TRPC6: variants seen among roughly 807,000 people sequenced by gnomAD.
The protein encoded by TRPC6 is short transient receptor potential channel 6.
In TRPC6, 55 loss-of-function variants were observed where a neutral mutation model predicts 90.7. The observed-to-expected ratio is 0.61, with a 90% CI of 0.49 to 0.76. The LOEUF (loss-of-function observed/expected upper bound fraction) is 0.76. Ranked by LOEUF, TRPC6 falls within the 30% of genes least tolerant of loss-of-function variation. The pLI, the probability that TRPC6 is intolerant of heterozygous loss-of-function variation, is 0.00. For synonymous variants in TRPC6, 393 were observed against 393.0 expected (o/e 1.00, Z 0.00); for missense variants, 989 against 1,122.7 (o/e 0.88, Z 1.70).
chr11:101,533,258 A>T (rs12290423), intron 1 of TRPC6, among the ~76,000 whole-genome samples: 1,643 of 152,284 alleles, frequency 0.011, 41 homozygotes, highest in African/African-American at 0.038. Flanking sequence ...TATAGGAAGC[A>T]TAGTGGCATC....
intron 1 of TRPC6, among the ~76,000 whole-genome samples, chr11:101,523,149 T>C (rs908772021): frequency 6.6e-6 from 1 of 152,248 alleles, no homozygotes; most frequent in Non-Finnish European, 1.5e-5. Context: ...TGCTCTGATC[T>C]ACCAAGGCAC....
intron 1 of TRPC6, among the ~76,000 whole-genome samples, chr11:101,526,024 C>A (rs1189113249): frequency 6.6e-6 from 1 of 152,160 alleles, no homozygotes; most frequent in Non-Finnish European, 1.5e-5. Context: ...GAGTGCTTAT[C>A]ACAGTATATT....
rs926271571 is a variant in TRPC6 at position 101,583,577 on chromosome 11, C to G, written c.-74G>C. On this transcript the variant is annotated 5_prime_UTR_variant, in exon 1 of 13. Coordinates refer to ENST00000344327, the MANE Select transcript of TRPC6 (RefSeq NM_004621.6). ...GGGCAGTTCCAGCGGGGACCCGGTG[C>G]GGAGGGTTCGCGTCAGCGGCCGAAC... is the stretch of plus-strand genomic sequence containing the variant. The G allele has an allele frequency of 5.0e-6, 7 of 1,388,480 alleles. No homozygotes were observed. The highest frequency in any genetic ancestry group is 6.5e-6 in the Non-Finnish European group (7 of 1,073,630). 86.0% of individuals were successfully genotyped at this position (1,388,480 alleles called of 1,614,324 possible). A position where few individuals can be genotyped will look rare whatever the true frequency, so the allele number is the denominator to read the frequency against.
chr11:101,521,385 G>T (rs1235597512), intron 1 of TRPC6, among the ~76,000 whole-genome samples: 1 of 152,232 alleles, frequency 6.6e-6, no homozygotes, highest in Non-Finnish European at 1.5e-5. Context: ...GCCTGCAGGT[G>T]CACAGAGGCA....
chr11:101,583,312 GC>G, intron 1 of TRPC6, 21 bp downstream of exon 1: 1 of 1,563,036 alleles, frequency 6.4e-7, no homozygotes, highest in Non-Finnish European at 8.7e-7. Flanking sequence ...CGCCCGATCC[GC>G]CCCGCGTCGC....
At position 101,452,568 on chromosome 11, in the gene TRPC6, C is replaced by A. The variant is rs200290996; in HGVS notation, c.*387G>T. 2.8e-5 allele frequency: 6 copies of A among 214,188 alleles called. No individual in the cohort carries two copies. The East Asian group carries it at 3.5e-4, about 13-fold the overall frequency. The allele number at this position is 214,188 out of a possible 1,614,324, so 13.3% of individuals were successfully genotyped here. A position where few individuals can be genotyped will look rare whatever the true frequency, so the allele number is the denominator to read the frequency against. ...CCCAGCAGGGGATCCACAGAGCAGG[C>A]AAGAAGGAACCTGAAATAAACTTCA... is the stretch of plus-strand genomic sequence containing the variant. On this transcript the variant is annotated 3_prime_UTR_variant, in exon 13 of 13. Transcript: ENST00000344327.
At position 101,518,932 on chromosome 11, in the gene TRPC6, C is replaced by G. The variant is rs557977460; in HGVS notation, c.171-14134G>C. The stretch of plus-strand genomic sequence containing the variant: ...AGATCATTATGTTAAGTGAAATAAG[C>G]CAGGTACGGAAAGACAAGCTTTGCA... On this transcript the variant is annotated intron_variant, in intron 1 of 12. Coordinates refer to ENST00000344327, the MANE Select transcript of TRPC6 (RefSeq NM_004621.6). Among the ~76,000 whole-genome samples, 5 of 152,190 alleles carry G rather than the reference C, an allele frequency of 3.3e-5. No individual in the cohort carries two copies. In the East Asian group the frequency reaches 9.6e-4, roughly 29 times the overall value.
Position 101,504,195 on chromosome 11 carries a change from G to A in TRPC6, c.774C>T (p.Cys258=). The A allele has an allele frequency of 6.2e-7, 1 of 1,614,106 alleles. No homozygotes were observed. Among genetic ancestry groups the A allele is most frequent in the South Asian group, 1.1e-5 (1 of 91,080 alleles). The change falls in exon 2 of 13, where the codon TGC becomes TGT. Residue 258 remains cysteine, a synonymous_variant. Transcript: ENST00000344327. The part of the protein sequence containing the change: ...PHDYFCKCND[C]NQKQKHDSFS... The stretch of plus-strand genomic sequence containing the variant: ...ACGAGTCATGCTTCTGTTTCTGGTT[G>A]CAGTCATTGCACTTGCAGAAATAAT...
chr11:101,561,650 C>G (rs1861716617), intron 1 of TRPC6, among the ~76,000 whole-genome samples: 1 of 152,004 alleles, frequency 6.6e-6, no homozygotes, highest in African/African-American at 2.4e-5. Context: ...TTATTCCTCT[C>G]TCTTCTACTC....
chr11:101,478,716 C>G (rs974091052), intron 5 of TRPC6, among the ~76,000 whole-genome samples: 2 of 152,058 alleles, frequency 1.3e-5, no homozygotes, highest in African/African-American at 4.8e-5. Context: ...AGCCTCTGCT[C>G]GTATAGATCT....
At chr11:101,551,046 A>G (rs975511884) in intron 1 of TRPC6, among the ~76,000 whole-genome samples, 2 of 151,826 alleles carry the variant, frequency 1.3e-5, no homozygotes, top group Non-Finnish European at 2.9e-5. Flanking sequence ...ACAAATACGT[A>G]CGTACATAGG....
intron 1 of TRPC6, among the ~76,000 whole-genome samples, chr11:101,566,840 C>G (rs542869238): frequency 8.5e-5 from 13 of 152,318 alleles, no homozygotes; most frequent in Middle Eastern, 3.4e-3. Context: ...GCACTCCAGC[C>G]CAGATACTGG....
intron 1 of TRPC6, among the ~76,000 whole-genome samples, chr11:101,549,017 G>GT (rs5794112): frequency 0.03 from 4,554 of 150,578 alleles, 163 homozygotes; most frequent in African/African-American, 0.088. Context: ...GTATCCTTCT[G>GT]TTTTTTTTTG....
intron 3 of TRPC6, among the ~76,000 whole-genome samples, chr11:101,490,040 G>A (rs926114492): frequency 5.3e-5 from 8 of 152,114 alleles, no homozygotes; most frequent in African/African-American, 1.9e-4. Context: ...CAAATGTTTG[G>A]AAACCTAAAA....
chr11:101,473,840 T>G (rs1204624409), intron 6 of TRPC6, 67 bp from the exon 7 acceptor site: 1 of 1,603,816 alleles, frequency 6.2e-7, no homozygotes, highest in Non-Finnish European at 8.5e-7. Context: ...TAACTTCTTT[T>G]TCTGCGAAAG....
chr11:101,549,272 G>T (rs1861399061), intron 1 of TRPC6, among the ~76,000 whole-genome samples: 1 of 151,688 alleles, frequency 6.6e-6, no homozygotes, highest in South Asian at 2.1e-4. Flanking sequence ...TTTTAAAAAG[G>T]GATATATTAT....
At chr11:101,485,745 G>A (rs1160933709) in intron 4 of TRPC6, among the ~76,000 whole-genome samples, 1 of 152,030 alleles carries the variant, frequency 6.6e-6, no homozygotes, top group Non-Finnish European at 1.5e-5. Flanking sequence ...AATTAAAGTA[G>A]AACCAAATAA....
rs1351580703 is a variant in TRPC6, at chr11:101,504,074, C to G, written c.895G>C (p.Glu299Gln). 6.2e-7 allele frequency: 1 copy of G among 1,613,962 alleles called. No homozygotes were observed. The highest frequency in any genetic ancestry group is 8.5e-7 in the Non-Finnish European group (1 of 1,179,976). Residue 299 changes from glutamate (E) to glutamine (Q), a missense_variant, in exon 2 of 13, where the codon GAA becomes CAA. Transcript: ENST00000344327. ...SSEDPVMTAL[E>Q]LSNELAVLAN... The stretch of plus-strand genomic sequence containing the variant: ...AGAACTGCCAGTTCATTGCTAAGTT[C>G]TAAAGCCGTCATGACTGGATCTTCA...
intron 6 of TRPC6, among the ~76,000 whole-genome samples, chr11:101,476,045 T>C (rs1324519967): frequency 1.3e-5 from 2 of 152,100 alleles, no homozygotes; most frequent in South Asian, 2.1e-4. Context: ...TCCATGAAGT[T>C]TGATAAGTAG....
Sources: gnomAD v4.1 joint callset for allele counts (sites outside exome capture counted in the v4.1 genomes callset) on GRCh38, gnomAD v4.1.1 for gene constraint, MANE v1.5 for transcripts, NCBI Gene and HGNC (gene_info 2026-07-23, HGNC 2026-07-21) for gene names.